WIPF3: variants seen among roughly 807,000 people sequenced by gnomAD.
The protein encoded by WIPF3 is WAS/WASL interacting protein family member 3.
Under a neutral mutation model 38.9 loss-of-function variants are expected in WIPF3, and 33 were observed. The ratio of observed to expected loss-of-function variants is 0.85; its 90% CI spans 0.64 to 1.14. The LOEUF (loss-of-function observed/expected upper bound fraction) is 1.14, where lower values mean the gene tolerates loss of function less well. Ranked by LOEUF, WIPF3 falls within the 50% of genes most tolerant of loss-of-function variation. The pLI is 0.00. For missense variants in WIPF3, 711 were observed against 652.5 expected, an observed-to-expected ratio of 1.09 and a Z score of -0.98; for synonymous variants, 324 against 269.3, an observed-to-expected ratio of 1.20 and a Z score of -1.99.
chr7:29,858,995 G>C (rs1431534147), intron 2 of WIPF3, among the ~76,000 whole-genome samples: 2 of 152,210 alleles, frequency 1.3e-5, no homozygotes, highest in African/African-American at 4.8e-5. Flanking sequence ...GGTTGATTGA[G>C]ACATAATTCC....
chr7:29,911,502 G>A (rs1786504695), intron 8 of WIPF3, among the ~76,000 whole-genome samples: 1 of 151,856 alleles, frequency 6.6e-6, no homozygotes, highest in Non-Finnish European at 1.5e-5. Context: ...TAAATCTAGG[G>A]GACTCACACT....
rs144020435 is a variant in WIPF3 at position 29,878,934 on chromosome 7, A to G, written c.224-75A>G. The G allele has an allele frequency of 7.4e-4, 1,124 of 1,514,422 alleles. 5 individuals carry two copies. The African/African-American group carries it at 0.013, about 17-fold the overall frequency. The allele number at this position is 1,514,422 out of a possible 1,614,324, so 93.8% of individuals were successfully genotyped here. On this transcript the variant is annotated intron_variant, in intron 3 of 8. Coordinates refer to ENST00000242140, the MANE Select transcript of WIPF3 (RefSeq NM_001080529.3). This position sits in a 1 kb window ranked among gnomAD's most constrained non-coding sequence, Gnocchi z 4.0. ...AAGGGCAGTGGTAGACCAGTGTTAGACCATGGTCTGAAATGAGACCTGGCT... is the reference window on the plus strand; with the variant it reads ...AAGGGCAGTGGTAGACCAGTGTTAGGCCATGGTCTGAAATGAGACCTGGCT...
chr7:29,895,803 G>A (rs1485927191), intron 7 of WIPF3, among the ~76,000 whole-genome samples: 2 of 152,194 alleles, frequency 1.3e-5, no homozygotes, highest in African/African-American at 4.8e-5. Context: ...CTCCAGGACA[G>A]CATCAAGCCA....
chr7:29,817,877 T>C (rs932879913), intron 1 of WIPF3, among the ~76,000 whole-genome samples: 3 of 152,204 alleles, frequency 2.0e-5, no homozygotes, highest in Non-Finnish European at 2.9e-5. Flanking sequence ...TATACATTAA[T>C]ATAGAGAAAA....
intron 1 of WIPF3, among the ~76,000 whole-genome samples, chr7:29,813,959 CACCCAG>C (rs1377099400): frequency 1.3e-5 from 2 of 149,642 alleles, no homozygotes; most frequent in Non-Finnish European, 3.0e-5. Context: ...TTCGCTCTGT[CACCCAG>C]ACTGGAGTCC....
chr7:29,846,715 C>G (rs1785007490), intron 2 of WIPF3, among the ~76,000 whole-genome samples: 1 of 152,120 alleles, frequency 6.6e-6, no homozygotes, highest in Non-Finnish European at 1.5e-5. Flanking sequence ...AAACAAAAAT[C>G]AAAAAACAAC....
At chr7:29,904,198 A>C in intron 7 of WIPF3, 88 bp from the exon 8 acceptor site, 1 of 1,280,160 alleles carries the variant, frequency 7.8e-7, no homozygotes, top group Non-Finnish European at 1.1e-6. Flanking sequence ...CATTGTTTTA[A>C]GTGCTGATTT....
At position 29,881,482 on chromosome 7, in the gene WIPF3, A is replaced by C. The variant is rs1785715015; in HGVS notation, c.355+2342A>C. ...TTTTAGGGACCCATGAAAATATTTA[A>C]ATTTCTTTTAAAATCAGAAGAAAAC... On this transcript the variant is annotated intron_variant, in intron 4 of 8. Transcript: ENST00000242140. Among the ~76,000 whole-genome samples, 5 of 152,158 alleles carry C rather than the reference A, an allele frequency of 3.3e-5. No individual in the cohort carries two copies. In the South Asian group the frequency reaches 1.0e-3, roughly 31 times the overall value.
intron 2 of WIPF3, among the ~76,000 whole-genome samples, chr7:29,847,854 G>A (rs1785026666): frequency 6.6e-6 from 1 of 152,212 alleles, no homozygotes; most frequent in African/African-American, 2.4e-5. Flanking sequence ...CCCTCCTTGG[G>A]GAAGAGGGGT....
intron 5 of WIPF3, among the ~76,000 whole-genome samples, chr7:29,887,811 T>C (rs1253260522): frequency 6.6e-6 from 1 of 152,220 alleles, no homozygotes; most frequent in Non-Finnish European, 1.5e-5. Context: ...TTGAATCTTC[T>C]CAGTAACCCT....
chr7:29,903,138 T>C, intron 7 of WIPF3, among the ~76,000 whole-genome samples: 1 of 151,428 alleles, frequency 6.6e-6, no homozygotes, highest in East Asian at 2.0e-4. Context: ...ACAAAAAATT[T>C]TAAAAGTTAG....
At chr7:29,838,583 A>G (rs761592310) in intron 2 of WIPF3, among the ~76,000 whole-genome samples, 1 of 152,200 alleles carries the variant, frequency 6.6e-6, no homozygotes, top group Non-Finnish European at 1.5e-5. Context: ...AATTAAAAAG[A>G]AGAAAATGAC....
intron 1 of WIPF3, among the ~76,000 whole-genome samples, chr7:29,830,828 A>G (rs1784707124): frequency 6.6e-6 from 1 of 152,216 alleles, no homozygotes; most frequent in Admixed American, 6.5e-5. Flanking sequence ...TCCCCAGTGC[A>G]GTGCTGAGCA....
At chr7:29,912,449 G>T in intron 8 of WIPF3, 1 of 159,592 alleles carries the variant, frequency 6.3e-6, no homozygotes, top group Non-Finnish European at 1.4e-5. Flanking sequence ...AGAACCTAAA[G>T]CAGAGCCTGG....
At chr7:29,856,820 G>A (rs755464887) in intron 2 of WIPF3, among the ~76,000 whole-genome samples, 27 of 152,100 alleles carry the variant, frequency 1.8e-4, no homozygotes, top group Non-Finnish European at 5.9e-5. Flanking sequence ...AACCTTCTGG[G>A]CAACATGGAA....
At chr7:29,899,851 A>C (rs931637158) in intron 7 of WIPF3, among the ~76,000 whole-genome samples, 2 of 152,260 alleles carry the variant, frequency 1.3e-5, no homozygotes, top group Admixed American at 1.3e-4. Context: ...TATCTGCAGA[A>C]AAGGAGAAGT....
intron 2 of WIPF3, among the ~76,000 whole-genome samples, chr7:29,840,789 C>T (rs1181376487): frequency 6.6e-6 from 1 of 151,962 alleles, no homozygotes; most frequent in Non-Finnish European, 1.5e-5. Context: ...AATGTATAGC[C>T]CAGGAGCAGG....
chr7:29,840,220 T>C (rs892617369), intron 2 of WIPF3, among the ~76,000 whole-genome samples: 2 of 152,150 alleles, frequency 1.3e-5, no homozygotes, highest in Non-Finnish European at 1.5e-5. Context: ...TCCTGGACCC[T>C]GTTGAGCTGT....
chr7:29,837,374 A>C (rs2128065946), intron 2 of WIPF3, among the ~76,000 whole-genome samples: 1 of 152,328 alleles, frequency 6.6e-6, no homozygotes, highest in Non-Finnish European at 1.5e-5. Context: ...AAACAAACAA[A>C]CAAATGAAAA....
Sources: allele counts gnomAD v4.1 joint callset (sites outside exome capture counted in the v4.1 genomes callset), GRCh38; gene constraint gnomAD v4.1.1; non-coding constraint Gnocchi (gnomAD v3.1); transcripts MANE v1.5; gene names NCBI Gene and HGNC (gene_info 2026-07-23, HGNC 2026-07-21).